The following RCBTB1 variants were observed in gnomAD, a reference collection of about 807,000 sequenced individuals.
The protein encoded by RCBTB1 is RCC1 and BTB domain containing protein 1.
RCBTB1 carries 46 observed loss-of-function variants against 62.4 expected under a neutral mutation model. The ratio of observed to expected loss-of-function variants is 0.74; its 90% CI spans 0.58 to 0.94. The LOEUF (loss-of-function observed/expected upper bound fraction) is 0.94, where lower values mean the gene tolerates loss of function less well. Ranked by LOEUF, RCBTB1 falls within the 40% of genes least tolerant of loss-of-function variation. The pLI is 0.00. For synonymous variants in RCBTB1, 222 were observed against 245.8 expected, an observed-to-expected ratio of 0.90 and a Z score of 0.91; for missense variants, 565 against 654.9, an observed-to-expected ratio of 0.86 and a Z score of 1.50.
intron 5 of RCBTB1, among the ~76,000 whole-genome samples, chr13:49,557,605 A>T (rs1408735358): frequency 6.6e-6 from 1 of 152,162 alleles, no homozygotes; most frequent in African/African-American, 2.4e-5. Flanking sequence ...AGCAAAGAGC[A>T]TGGGACTCAG....
intron 1 of RCBTB1, among the ~76,000 whole-genome samples, chr13:49,583,458 T>C (rs1303813913): frequency 2.6e-5 from 4 of 152,062 alleles, no homozygotes; most frequent in Admixed American, 2.6e-4. Flanking sequence ...AATTATTTCA[T>C]TAACTGATCT....
intron 5 of RCBTB1, among the ~76,000 whole-genome samples, chr13:49,557,252 T>C (rs1051660077): frequency 1.3e-5 from 2 of 151,978 alleles, no homozygotes; most frequent in Non-Finnish European, 2.9e-5. Flanking sequence ...ACTTAAAAGA[T>C]AGGGAATAGA....
rs939706115 is a variant in RCBTB1, at chr13:49,540,813, G to T, written c.1455+63C>A. 21 of 1,553,034 alleles carry T rather than the reference G, an allele frequency of 1.4e-5. No individual in the cohort carries two copies. In the African/African-American group the frequency reaches 2.9e-4, roughly 21 times the overall value. On this transcript the variant is annotated intron_variant, in intron 12 of 12. Coordinates refer to ENST00000378302, the MANE Select transcript of RCBTB1 (RefSeq NM_018191.4). ...TCGTTTTCCATGCCTCACGCAAGAA[G>T]CGGGGGAGACGAGCACAAAGGGAGT...
intron 6 of RCBTB1, among the ~76,000 whole-genome samples, chr13:49,554,897 A>G (rs984138412): frequency 6.6e-6 from 1 of 152,204 alleles, no homozygotes; most frequent in African/African-American, 2.4e-5. Flanking sequence ...GTCCAGGGTA[A>G]TATCTTTGTA....
rs371171861 is a variant in RCBTB1 at position 49,534,054 on chromosome 13, G to A, written c.*68C>T. On this transcript the variant is annotated 3_prime_UTR_variant, in exon 13 of 13. Coordinates refer to ENST00000378302, the MANE Select transcript of RCBTB1 (RefSeq NM_018191.4). Reference sequence around the variant, plus strand: ...TACCTGCAGAATCACATCACCCGTAGAGCACAAACTGGACACATCCTCAAC... The same window carrying A: ...TACCTGCAGAATCACATCACCCGTAAAGCACAAACTGGACACATCCTCAAC... 1.3e-5 allele frequency: 19 copies of A among 1,514,820 alleles called. No individual in the cohort carries two copies. Among genetic ancestry groups the A allele is most frequent in the Middle Eastern group, 1.8e-4 (1 of 5,604 alleles). 93.8% of individuals were successfully genotyped at this position (1,514,820 alleles called of 1,614,324 possible).
chr13:49,552,111 A>G (rs994191748), intron 7 of RCBTB1, 67 bp downstream of exon 7: 3 of 1,005,334 alleles, frequency 3.0e-6, no homozygotes, highest in South Asian at 1.4e-5. Flanking sequence ...TAAACCTCCA[A>G]TATTTCTCCA....
intron 11 of RCBTB1, 40 bp from the exon 12 acceptor site, chr13:49,541,046 A>C: frequency 6.4e-7 from 1 of 1,569,938 alleles, no homozygotes; most frequent in African/African-American, 1.4e-5. Context: ...CAAATGTATA[A>C]TAATTTCCAA....
At position 49,541,687 on chromosome 13, in the gene RCBTB1, T is replaced by G; in HGVS notation, c.1313A>C (p.Glu438Ala). 6.2e-7 allele frequency: 1 copy of G among 1,612,348 alleles called. No homozygotes were observed. Among genetic ancestry groups the G allele is most frequent in the Non-Finnish European group, 8.5e-7 (1 of 1,179,382 alleles). Residue 438 changes from glutamate (E) to alanine (A), a missense_variant, in exon 11 of 13, where the codon GAA becomes GCA. By Grantham distance (107) the Glu-to-Ala change is moderately radical. Transcript: ENST00000378302. ...TGCTACCACAGTACCTATAGCATCT[T>G]CTGGCGGCAGGTCGACTGTGTCTGT... ...LYTDTVDLPP[E>A]DAIGLLDLAT...
At chr13:49,539,899 G>A (rs2139127346) in intron 12 of RCBTB1, among the ~76,000 whole-genome samples, 1 of 152,278 alleles carries the variant, frequency 6.6e-6, no homozygotes, top group South Asian at 2.1e-4. Flanking sequence ...TATGTGTGAT[G>A]AAGTGTGTCC....
chr13:49,549,368 G>C (rs1309051277), intron 9 of RCBTB1, 90 bp downstream of exon 9: 2 of 1,286,652 alleles, frequency 1.6e-6, no homozygotes, highest in Non-Finnish European at 2.1e-6. Context: ...AAAACATTCT[G>C]AGAGATCCCA....
intron 2 of RCBTB1, among the ~76,000 whole-genome samples, chr13:49,571,968 T>C (rs1377236475): frequency 6.6e-6 from 1 of 152,180 alleles, no homozygotes. Flanking sequence ...TAAAAATTAA[T>C]GAGTATTTCA....
chr13:49,549,729 C>A (rs1041319309), intron 8 of RCBTB1, 81 bp from the exon 9 acceptor site: 13 of 1,506,636 alleles, frequency 8.6e-6, no homozygotes, highest in Admixed American at 2.3e-5. Flanking sequence ...TTTAAAAGTT[C>A]ATGCTTGCAA....
intron 6 of RCBTB1, among the ~76,000 whole-genome samples, chr13:49,554,233 A>G (rs1241814360): frequency 6.6e-6 from 1 of 152,200 alleles, no homozygotes; most frequent in African/African-American, 2.4e-5. Context: ...GTCCAAAAAG[A>G]TATGCATGAA....
intron 5 of RCBTB1, among the ~76,000 whole-genome samples, chr13:49,559,071 T>G (rs1279518094): frequency 6.6e-6 from 1 of 152,238 alleles, no homozygotes; most frequent in Non-Finnish European, 1.5e-5. Context: ...GGAACTTAAC[T>G]CTTGTTTTTA....
chr13:49,564,586 A>AAAAAAAATAAATT lies in RCBTB1; in HGVS notation c.277+2031_277+2032insAATTTATTTTTTT, dbSNP rs1237972599. 2.7e-4 allele frequency among the ~76,000 whole-genome samples: 27 copies of AAAAAAAATAAATT among 100,718 alleles called. 1 individual carries two copies. The highest frequency in any genetic ancestry group is 1.1e-3 in the African/African-American group (27 of 24,054). 66.1% of individuals were successfully genotyped at this position (100,718 alleles called of 152,430 possible). ...GAGACAGAGCGAGACTCCTTCTCAA[A>AAAAAAAATAAATT]AAAAAAAAAAAAAAAAAAAAAAATG... On this transcript the variant is annotated intron_variant, in intron 4 of 12. Coordinates refer to ENST00000378302, the MANE Select transcript of RCBTB1 (RefSeq NM_018191.4).
intron 3 of RCBTB1, 64 bp downstream of exon 3, chr13:49,567,090 G>T: frequency 6.6e-7 from 1 of 1,505,188 alleles, no homozygotes. Flanking sequence ...CTTTGAACTG[G>T]ACACTTTGAA....
intron 10 of RCBTB1, among the ~76,000 whole-genome samples, chr13:49,543,636 G>A (rs1339036273): frequency 1.3e-5 from 2 of 152,182 alleles, no homozygotes. Context: ...GGCAACCTTT[G>A]TGGCAAACAG....
At chr13:49,582,752 G>A (rs1383739755) in intron 1 of RCBTB1, among the ~76,000 whole-genome samples, 1 of 152,198 alleles carries the variant, frequency 6.6e-6, no homozygotes, top group Non-Finnish European at 1.5e-5. Context: ...ACCCATCCTA[G>A]TGGATGGGAG....
chr13:49,552,397 A>ACT, intron 6 of RCBTB1, 112 bp from the exon 7 acceptor site: 1 of 617,204 alleles, frequency 1.6e-6, no homozygotes, highest in Non-Finnish European at 2.8e-6. Context: ...CCTATATTCT[A>ACT]CTCTATGCTC....
Sources: allele counts gnomAD v4.1 joint callset (sites outside exome capture counted in the v4.1 genomes callset), GRCh38; gene constraint gnomAD v4.1.1; transcripts MANE v1.5; gene names NCBI Gene and HGNC (gene_info 2026-07-23, HGNC 2026-07-21).